The following BBIP1 variants were observed in gnomAD, a reference collection of about 807,000 sequenced individuals.
The protein encoded by BBIP1 is BBSome interacting protein 1.
In BBIP1, 6 loss-of-function variants were observed where a neutral mutation model predicts 8.9. The ratio of observed to expected loss-of-function variants is 0.67; its 90% CI spans 0.37 to 1.33. The LOEUF (loss-of-function observed/expected upper bound fraction) is 1.33, where lower values mean the gene tolerates loss of function less well. Ranked by LOEUF, BBIP1 falls within the 40% of genes most tolerant of loss-of-function variation. The pLI, the probability that BBIP1 is intolerant of heterozygous loss-of-function variation, is 0.02. For missense variants in BBIP1, 111 were observed against 109.2 expected, an observed-to-expected ratio of 1.02 and a Z score of -0.07; for synonymous variants, 32 against 33.4, an observed-to-expected ratio of 0.96 and a Z score of 0.14.
At chr10:110,901,486 A>C (rs1846000705) in intron 3 of BBIP1, 52 bp downstream of exon 3, 2 of 1,318,374 alleles carry the variant, frequency 1.5e-6, no homozygotes, top group Non-Finnish European at 2.1e-6. Flanking sequence ...ACTGCCTATG[A>C]CTTCTTTAGT....
At chr10:110,913,030 C>A (rs912471859) in intron 2 of BBIP1, among the ~76,000 whole-genome samples, 1 of 152,128 alleles carries the variant, frequency 6.6e-6, no homozygotes, top group Admixed American at 6.5e-5. Context: ...TAGAGTCTGT[C>A]ATTTCTTTCT....
chr10:110,916,740 T>A (rs1412083144), intron 2 of BBIP1, among the ~76,000 whole-genome samples: 1 of 152,162 alleles, frequency 6.6e-6, no homozygotes, highest in Non-Finnish European at 1.5e-5. Flanking sequence ...TCAGTACACT[T>A]TACTGCAGAA....
intron 2 of BBIP1, 177 bp downstream of exon 2, chr10:110,917,944 C>A: frequency 1.6e-6 from 1 of 614,300 alleles, no homozygotes; most frequent in Non-Finnish European, 2.9e-6. Context: ...GTAACAGAAT[C>A]AGATACAGAA....
At chr10:110,904,519 T>C (rs192412405) in intron 2 of BBIP1, 5 of 152,228 alleles carry the variant, frequency 3.3e-5, no homozygotes, top group Non-Finnish European at 7.3e-5. Context: ...TGTAATGTCT[T>C]TTTAAACTGC....
chr10:110,918,403 G>A (rs1170278625), intron 1 of BBIP1, among the ~76,000 whole-genome samples, 190 bp from the exon 2 acceptor site: 1 of 152,250 alleles, frequency 6.6e-6, no homozygotes, highest in East Asian at 1.9e-4. Context: ...GGGAAGGCAG[G>A]TGGCAGGGGA....
intron 2 of BBIP1, chr10:110,907,732 C>T (rs1348114793): frequency 2.8e-6 from 2 of 701,806 alleles, no homozygotes; most frequent in Admixed American, 2.0e-5. Flanking sequence ...GAAGGATATG[C>T]AAATCCTGGT....
intron 2 of BBIP1, chr10:110,903,504 T>C (rs1846056431): frequency 6.6e-6 from 1 of 152,240 alleles, no homozygotes; most frequent in South Asian, 2.1e-4. Context: ...CCCTTAGGCA[T>C]TGGCAAGAAA....
chr10:110,909,260 C>T lies in BBIP1; in HGVS notation c.38-7648G>A, dbSNP rs181927615. Among the ~76,000 whole-genome samples the T allele has an allele frequency of 4.0e-3, 608 of 151,794 alleles. 5 individuals carry two copies. The highest frequency in any genetic ancestry group is 0.014 in the African/African-American group (584 of 41,356). ...GGCACCAGGCTGGAGTGCAGTGGCGCGATCTCGGCTCACTGCAACCCCCAC... is the reference window on the plus strand; with the variant it reads ...GGCACCAGGCTGGAGTGCAGTGGCGTGATCTCGGCTCACTGCAACCCCCAC... On this transcript the variant is annotated intron_variant, in intron 2 of 3. Transcript: ENST00000448814.
chr10:110,902,414 T>G (rs1315828189), intron 2 of BBIP1: 1 of 152,232 alleles, frequency 6.6e-6, no homozygotes, highest in African/African-American at 2.4e-5. Context: ...ACACAGATGC[T>G]TTTCTAGACG....
chr10:110,906,250 C>T (rs1846133305), intron 2 of BBIP1, among the ~76,000 whole-genome samples: 1 of 152,186 alleles, frequency 6.6e-6, no homozygotes, highest in African/African-American at 2.4e-5. Context: ...TCGTGATCCG[C>T]CCACCTCGGC....
At position 110,899,098 on chromosome 10, in the gene BBIP1, T is replaced by A. The variant is rs901977228; in HGVS notation, c.*1262A>T. On this transcript the variant is annotated 3_prime_UTR_variant, in exon 4 of 4. Transcript: ENST00000448814. Reference sequence around the variant, plus strand: ...GACCCAAAGCTTGACATTTACCTAATGTATGAGAAAATATTACCAATTAAC... The same window carrying A: ...GACCCAAAGCTTGACATTTACCTAAAGTATGAGAAAATATTACCAATTAAC... 1.3e-5 allele frequency: 2 copies of A among 152,208 alleles called. No individual in the cohort carries two copies. Among genetic ancestry groups the A allele is most frequent in the African/African-American group, 4.8e-5 (2 of 41,474 alleles). 9.4% of individuals were successfully genotyped at this position (152,208 alleles called of 1,614,324 possible).
At chr10:110,901,148 A>G (rs1329177883) in intron 3 of BBIP1, 1 of 455,070 alleles carries the variant, frequency 2.2e-6, no homozygotes, top group Non-Finnish European at 4.4e-6. Flanking sequence ...CAAATTAGCC[A>G]GGCATGGTAG....
At chr10:110,914,778 C>T (rs1846360136) in intron 2 of BBIP1, among the ~76,000 whole-genome samples, 2 of 152,240 alleles carry the variant, frequency 1.3e-5, no homozygotes, top group South Asian at 2.1e-4. Context: ...AATGGGAATT[C>T]TTGGGTGAAC....
intron 2 of BBIP1, chr10:110,911,542 T>C (rs921893129): frequency 2.0e-5 from 3 of 151,824 alleles, no homozygotes; most frequent in Non-Finnish European, 4.4e-5. Flanking sequence ...TCACCATAAC[T>C]GGTGATTTTG....
intron 2 of BBIP1, among the ~76,000 whole-genome samples, chr10:110,905,702 C>G (rs577920798): frequency 1.2e-4 from 18 of 152,066 alleles, no homozygotes; most frequent in Non-Finnish European, 2.2e-4. Flanking sequence ...CTCAAATTTT[C>G]TACTTGCATA....
chr10:110,918,925 C>T (rs946860255), intron 1 of BBIP1, 196 bp downstream of exon 1: 1 of 152,258 alleles, frequency 6.6e-6, no homozygotes. Context: ...CGCCATGACC[C>T]AATTCGGAAG....
intron 2 of BBIP1, among the ~76,000 whole-genome samples, chr10:110,905,741 A>G (rs1484737534): frequency 6.6e-6 from 1 of 152,198 alleles, no homozygotes; most frequent in African/African-American, 2.4e-5. Context: ...AAAACTAGGT[A>G]TCACTTCATA....
rs1845975320 is a variant in BBIP1, at chr10:110,900,734, A to G, written c.113-208T>C. 25 of 479,958 alleles carry G rather than the reference A, an allele frequency of 5.2e-5. No individual in the cohort carries two copies. The South Asian group carries it at 8.2e-4, about 16-fold the overall frequency. 29.7% of individuals were successfully genotyped at this position (479,958 alleles called of 1,614,324 possible). On this transcript the variant is annotated intron_variant, in intron 3 of 3. Transcript: ENST00000448814. Reference sequence around the variant, plus strand: ...TAGTAGGGTGCTTCTGAGGAAGACAAGTTTTGAGCGTTCTACCCAAGAATC... The same window carrying G: ...TAGTAGGGTGCTTCTGAGGAAGACAGGTTTTGAGCGTTCTACCCAAGAATC...
rs1332471896 is a variant in BBIP1 at position 110,918,175 on chromosome 10, A to C, written c.-18T>G. Reference sequence around the variant, plus strand: ...TTAAGCATCCAACCCGGTATTACCAAGATGACTTAGAGTTCTTGACTCAAG... The same window carrying C: ...TTAAGCATCCAACCCGGTATTACCACGATGACTTAGAGTTCTTGACTCAAG... On this transcript the variant is annotated 5_prime_UTR_variant, in exon 2 of 4. Coordinates refer to ENST00000448814, the MANE Select transcript of BBIP1 (RefSeq NM_001195305.3). The C allele has an allele frequency of 2.6e-6, 4 of 1,534,638 alleles. No homozygotes were observed. The highest frequency in any genetic ancestry group is 2.0e-5 in the Admixed American group (1 of 50,996).
Sources: gnomAD v4.1 joint callset for allele counts (sites outside exome capture counted in the v4.1 genomes callset) on GRCh38, gnomAD v4.1.1 for gene constraint, MANE v1.5 for transcripts, NCBI Gene and HGNC (gene_info 2026-07-23, HGNC 2026-07-21) for gene names.